DNASE1: variants seen among roughly 807,000 people sequenced by gnomAD.
DNASE1 encodes deoxyribonuclease-1.
In DNASE1, 40 loss-of-function variants were observed where a neutral mutation model predicts 33.9. That is an observed-to-expected ratio of 1.18 (90% confidence interval 0.92 to 1.54). DNASE1 has a LOEUF of 1.54. Ranked by LOEUF, DNASE1 falls within the 40% of genes most tolerant of loss-of-function variation. The probability of loss-of-function intolerance (pLI) is 0.00; values close to 1 mark genes in which losing one functional copy is unlikely to be tolerated. For synonymous variants in DNASE1, 216 were observed against 160.0 expected, an observed-to-expected ratio of 1.35 and a Z score of -2.64; for missense variants, 518 against 372.6, an observed-to-expected ratio of 1.39 and a Z score of -3.21.
At chr16:3,649,924 T>C (rs1285914186), upstream of DNASE1, among the ~76,000 whole-genome samples, 1 of 151,406 alleles carries the variant, frequency 6.6e-6, no homozygotes, top group African/African-American at 2.5e-5. Context: ...CAACTTCTAG[T>C]TGATAAAAAA....
chr16:3,637,525 C>T (rs1401828097), intron 1 of DNASE1, among the ~76,000 whole-genome samples: 1 of 152,154 alleles, frequency 6.6e-6, no homozygotes, highest in African/African-American at 2.4e-5. Context: ...TGGAGTTAGG[C>T]CCTTTCTTTC....
rs2042499947 is a variant in DNASE1 at position 3,654,955 on chromosome 16, A to C, written c.-91A>C. 2.2e-6 allele frequency: 1 copy of C among 456,490 alleles called. No homozygotes were observed. Among genetic ancestry groups the C allele is most frequent in the Non-Finnish European group, 3.8e-6 (1 of 261,200 alleles). 28.3% of individuals were successfully genotyped at this position (456,490 alleles called of 1,614,324 possible). A position where few individuals can be genotyped will look rare whatever the true frequency, so the allele number is the denominator to read the frequency against. The stretch of plus-strand genomic sequence containing the variant: ...CTTCATAGACTACTTTTTTTTCTTT[A>C]AGCAGCAAAAGGAGAAAATTGTCAT... On this transcript the variant is annotated 5_prime_UTR_variant, in exon 1 of 9. Transcript: ENST00000246949.
chr16:3,646,704 A>T (rs1032962566), intron 1 of DNASE1, among the ~76,000 whole-genome samples: 14 of 152,084 alleles, frequency 9.2e-5, no homozygotes, highest in South Asian at 2.1e-4. Flanking sequence ...CTAATTACAC[A>T]TTTGCGAGAT....
At chr16:3,642,677 G>C (rs376132707), upstream of DNASE1, among the ~76,000 whole-genome samples, 3 of 152,074 alleles carry the variant, frequency 2.0e-5, no homozygotes, top group African/African-American at 7.3e-5. Context: ...TAGAGGAATA[G>C]AGGAATGAGG....
chr16:3,664,442 C>T, exon 10 of DNASE1: 2 of 1,611,504 alleles, frequency 1.2e-6, no homozygotes, highest in Non-Finnish European at 1.7e-6. Flanking sequence ...CGTAGCGCAG[C>T]AGCTTTGCTA....
upstream of DNASE1, among the ~76,000 whole-genome samples, chr16:3,650,063 C>T (rs2042286238): frequency 1.3e-5 from 2 of 152,116 alleles, no homozygotes; most frequent in Non-Finnish European, 2.9e-5. Context: ...GAGTTGGTTC[C>T]TACAAGTTTT....
downstream of DNASE1, chr16:3,663,045 T>A: frequency 8.7e-7 from 1 of 1,144,918 alleles, no homozygotes; most frequent in Non-Finnish European, 1.2e-6. Flanking sequence ...GCAGCATGCT[T>A]CCAGCTCCCA....
At chr16:3,657,598 A>G in intron 7 of DNASE1, 122 bp from the exon 8 acceptor site, 1 of 1,376,626 alleles carries the variant, frequency 7.3e-7, no homozygotes, top group Non-Finnish European at 1.0e-6. Flanking sequence ...CAGGGTGTGC[A>G]GTTTTGGGCA....
chr16:3,612,902 TGA>T (rs142631602), intron 1 of DNASE1, among the ~76,000 whole-genome samples: 6,475 of 152,154 alleles, frequency 0.043, 422 homozygotes, highest in African/African-American at 0.14. Flanking sequence ...CCTTAACATC[TGA>T]GAGTAGTGTG....
upstream of DNASE1, among the ~76,000 whole-genome samples, chr16:3,641,880 G>A (rs1027236070): frequency 1.3e-5 from 2 of 152,218 alleles, no homozygotes; most frequent in Admixed American, 1.3e-4. Context: ...TGGCTCACAG[G>A]GACCTGGGGA....
chr16:3,637,559 G>A (rs1201892829), intron 1 of DNASE1, among the ~76,000 whole-genome samples: 2 of 152,174 alleles, frequency 1.3e-5, no homozygotes, highest in Non-Finnish European at 2.9e-5. Context: ...GCTTAGGGGT[G>A]CTTAAGTTGG....
chr16:3,639,966 C>G (rs1055845514), upstream of DNASE1, among the ~76,000 whole-genome samples: 5 of 152,152 alleles, frequency 3.3e-5, no homozygotes, highest in African/African-American at 1.2e-4. Flanking sequence ...GGGTTTGGGT[C>G]TGGAATGCAG....
chr16:3,625,439 G>A (rs1199234661), intron 1 of DNASE1, among the ~76,000 whole-genome samples: 1 of 152,062 alleles, frequency 6.6e-6, no homozygotes, highest in Non-Finnish European at 1.5e-5. Flanking sequence ...GCTGTGTAGT[G>A]AGACCCATCG....
intron 4 of DNASE1, 108 bp downstream of exon 4, chr16:3,656,293 T>C: frequency 8.2e-7 from 1 of 1,220,958 alleles, no homozygotes; most frequent in Non-Finnish European, 1.2e-6. Flanking sequence ...AACCTGAGGC[T>C]TCAGAGCAGG....
downstream of DNASE1, chr16:3,662,898 C>T (rs145850823): frequency 9.5e-5 from 153 of 1,613,464 alleles, no homozygotes; most frequent in Admixed American, 6.2e-4. Context: ...GTTGGTGACA[C>T]GCGACCCCAG....
exon 10 of DNASE1, chr16:3,665,305 G>C (rs913689085): frequency 6.6e-6 from 1 of 152,272 alleles, no homozygotes; most frequent in African/African-American, 2.4e-5. Flanking sequence ...CACCAGCACG[G>C]GATGGGCTCC....
downstream of DNASE1, chr16:3,660,729 T>A (rs934602802): frequency 3.9e-5 from 6 of 151,968 alleles, no homozygotes; most frequent in Admixed American, 2.0e-4. Context: ...GGTTGTAAAA[T>A]GACAAAAGAA....
intron 1 of DNASE1, among the ~76,000 whole-genome samples, chr16:3,632,680 G>A (rs566618593): frequency 1.3e-5 from 2 of 151,750 alleles, no homozygotes; most frequent in Admixed American, 6.6e-5. Flanking sequence ...CCAACTCCTG[G>A]GTTCAAGCAA....
intron 1 of DNASE1, among the ~76,000 whole-genome samples, chr16:3,619,709 C>G (rs2041238986): frequency 6.6e-6 from 1 of 151,528 alleles, no homozygotes; most frequent in Admixed American, 6.6e-5. Flanking sequence ...ACAGGTCTTG[C>G]TATGTTGCCC....
Sources: allele counts gnomAD v4.1 joint callset (sites outside exome capture counted in the v4.1 genomes callset), GRCh38; gene constraint gnomAD v4.1.1; transcripts MANE v1.5; gene names NCBI Gene and HGNC (gene_info 2026-07-23, HGNC 2026-07-21).